RAB33B: variants seen among roughly 807,000 people sequenced by gnomAD.
The protein encoded by RAB33B is RAB33B, member RAS oncogene family.
In RAB33B, 6 loss-of-function variants were observed where a neutral mutation model predicts 15.0. The observed-to-expected ratio is 0.40, with a 90% CI of 0.22 to 0.79. The LOEUF is 0.79. Ranked by LOEUF, RAB33B falls within the 30% of genes least tolerant of loss-of-function variation. The pLI, the probability that RAB33B is intolerant of heterozygous loss-of-function variation, is 0.37. For synonymous variants in RAB33B, 117 were observed against 108.3 expected, an observed-to-expected ratio of 1.08 and a Z score of -0.50; for missense variants, 257 against 296.4, an observed-to-expected ratio of 0.87 and a Z score of 0.98.
At chr4:139,454,568 G>A in intron 1 of RAB33B, 124 bp downstream of exon 1, 1 of 1,123,982 alleles carries the variant, frequency 8.9e-7, no homozygotes, top group Non-Finnish European at 1.2e-6. Flanking sequence ...TGATGAGATT[G>A]GAGTTGGGGA....
At chr4:139,458,252 G>C (rs1750107771) in intron 1 of RAB33B, among the ~76,000 whole-genome samples, 1 of 152,136 alleles carries the variant, frequency 6.6e-6, no homozygotes, top group Non-Finnish European at 1.5e-5. Flanking sequence ...AGCCACTCCA[G>C]CAGAGCCAGA....
At chr4:139,441,319 G>A in the RAB33B span, among the ~76,000 whole-genome samples, 53 of 152,330 alleles carry the variant, frequency 3.5e-4, no homozygotes, top group African/African-American at 1.2e-3. Context: ...AATGAGGGGA[G>A]TTACAGAGAC....
At chr4:139,453,832 G>T, upstream of RAB33B, 1 of 180,322 alleles carries the variant, frequency 5.5e-6, no homozygotes. Context: ...CGGGAACCTT[G>T]GACGTGGCGG....
intron 1 of RAB33B, among the ~76,000 whole-genome samples, chr4:139,471,086 C>T (rs767185046): frequency 6.6e-5 from 10 of 152,122 alleles, no homozygotes; most frequent in Non-Finnish European, 1.0e-4. Flanking sequence ...CCCCAGCGCA[C>T]TGTCTCTGGG....
At chr4:139,454,644 T>C (rs1044223961) in intron 1 of RAB33B, among the ~76,000 whole-genome samples, 200 bp downstream of exon 1, 1 of 152,218 alleles carries the variant, frequency 6.6e-6, no homozygotes, top group Non-Finnish European at 1.5e-5. Flanking sequence ...TGCATGCGAT[T>C]TACCTGGGGA....
intron 1 of RAB33B, among the ~76,000 whole-genome samples, chr4:139,459,923 G>A (rs1199728080): frequency 6.6e-6 from 1 of 152,198 alleles, no homozygotes; most frequent in African/African-American, 2.4e-5. Flanking sequence ...GAGCCACCGT[G>A]TCCGGCCTAG....
At chr4:139,439,246 C>T in the RAB33B span, among the ~76,000 whole-genome samples, 23 of 152,144 alleles carry the variant, frequency 1.5e-4, no homozygotes, top group Admixed American at 3.9e-4. Flanking sequence ...GTGATCCGCC[C>T]GCCTCGGCCT....
In RAB33B at chr4:139,472,844, G is replaced by A. The variant is rs772029504; in HGVS notation, c.408G>A (p.Leu136=). Residue 136 remains leucine (L), a synonymous_variant, in exon 2 of 2, where the codon TTG becomes TTA. Transcript: ENST00000305626. ...PSWIEECKQH[L]LANDIPRILV... is the part of the protein sequence containing the mutation. The stretch of plus-strand genomic sequence containing the variant: ...GGATAGAAGAATGCAAACAACATTT[G>A]CTAGCCAATGATATACCACGGATTC... 3 of 1,614,150 alleles carry A rather than the reference G, an allele frequency of 1.9e-6. No individual in the cohort carries two copies. The highest frequency in any genetic ancestry group is 4.5e-5 in the East Asian group (2 of 44,888).
At chr4:139,450,918 T>TTTC (rs1749906840), upstream of RAB33B, 1 of 151,428 alleles carries the variant, frequency 6.6e-6, no homozygotes, top group Non-Finnish European at 1.5e-5. Context: ...TTTTTTTTTT[T>TTTC]GAGACACAGT....
intron 1 of RAB33B, among the ~76,000 whole-genome samples, chr4:139,461,858 C>T (rs992513554): frequency 6.6e-6 from 1 of 151,340 alleles, no homozygotes; most frequent in African/African-American, 2.4e-5. Context: ...GAGCTGACTT[C>T]GTGCCACTGC....
At chr4:139,471,589 C>T (rs1750394167) in intron 1 of RAB33B, among the ~76,000 whole-genome samples, 1 of 149,072 alleles carries the variant, frequency 6.7e-6, no homozygotes, top group Admixed American at 6.8e-5. Flanking sequence ...CAGTTGGGGA[C>T]ATGATAGGTA....
chr4:139,467,348 G>A (rs1176808366), intron 1 of RAB33B, among the ~76,000 whole-genome samples: 2 of 64,368 alleles, frequency 3.1e-5, no homozygotes, highest in Non-Finnish European at 6.6e-5. Flanking sequence ...AAGAGACAGG[G>A]TTTCCCTATG....
the RAB33B span, among the ~76,000 whole-genome samples, chr4:139,442,622 G>A: frequency 1.3e-5 from 2 of 152,132 alleles, no homozygotes; most frequent in Admixed American, 1.3e-4. Context: ...TAGCCTCCCA[G>A]CCTATACCTT....
At chr4:139,443,700 T>C in the RAB33B span, among the ~76,000 whole-genome samples, 1 of 152,186 alleles carries the variant, frequency 6.6e-6, no homozygotes, top group African/African-American at 2.4e-5. Flanking sequence ...ACACTGTAAG[T>C]TGGAATGGGG....
chr4:139,459,320 C>G (rs1012925570), intron 1 of RAB33B, among the ~76,000 whole-genome samples: 2 of 151,904 alleles, frequency 1.3e-5, no homozygotes, highest in African/African-American at 4.8e-5. Context: ...ACCTGCAGTC[C>G]CCGCTGCTCA....
chr4:139,463,689 T>G (rs1168983627), intron 1 of RAB33B, among the ~76,000 whole-genome samples: 1 of 152,230 alleles, frequency 6.6e-6, no homozygotes, highest in African/African-American at 2.4e-5. Context: ...AGGCTTTGCT[T>G]TTCGCCTAGT....
intron 1 of RAB33B, among the ~76,000 whole-genome samples, chr4:139,461,223 T>C (rs1367020867): frequency 1.3e-5 from 2 of 152,092 alleles, no homozygotes; most frequent in Admixed American, 1.3e-4. Flanking sequence ...TGGTCAGACG[T>C]AGGTCACATG....
the RAB33B span, among the ~76,000 whole-genome samples, chr4:139,448,046 GA>G: frequency 6.6e-6 from 1 of 152,198 alleles, no homozygotes; most frequent in Non-Finnish European, 1.5e-5. Flanking sequence ...CCATCAAGAT[GA>G]AATCAGTCTA....
At chr4:139,467,397 G>A in intron 1 of RAB33B, among the ~76,000 whole-genome samples, 1 of 65,756 alleles carries the variant, frequency 1.5e-5, no homozygotes. Flanking sequence ...TTTTTTTAAT[G>A]GAACAACATT....
Sources: gnomAD v4.1 joint callset for allele counts (sites outside exome capture counted in the v4.1 genomes callset) on GRCh38, gnomAD v4.1.1 for gene constraint, MANE v1.5 for transcripts, NCBI Gene and HGNC (gene_info 2026-07-23, HGNC 2026-07-21) for gene names.